SLMAP: variants seen among roughly 807,000 people sequenced by gnomAD.
The protein encoded by SLMAP is sarcolemmal membrane-associated protein.
Under a neutral mutation model 128.8 loss-of-function variants are expected in SLMAP, and 44 were observed. That is an observed-to-expected ratio of 0.34 (90% CI 0.27 to 0.44). SLMAP has a LOEUF of 0.44. Ranked by LOEUF, SLMAP falls within the 20% of genes least tolerant of loss-of-function variation. SLMAP has a pLI of 1.00. For missense variants in SLMAP, 787 were observed against 985.3 expected (o/e 0.80, Z 2.69); for synonymous variants, 327 against 348.8 (o/e 0.94, Z 0.70).
intron 2 of SLMAP, among the ~76,000 whole-genome samples, chr3:57,779,125 A>G (rs1426498810): frequency 6.6e-6 from 1 of 152,218 alleles, no homozygotes; most frequent in East Asian, 1.9e-4. Flanking sequence ...CAATAGCTGC[A>G]TATATCAATG....
At chr3:57,781,082 A>C (rs190271776) in intron 2 of SLMAP, among the ~76,000 whole-genome samples, 11 of 152,066 alleles carry the variant, frequency 7.2e-5, no homozygotes, top group Non-Finnish European at 1.5e-4. Flanking sequence ...ATAGAATAAA[A>C]AAATAAAAAT....
At chr3:57,878,139 G>A (rs1017578167) in intron 14 of SLMAP, among the ~76,000 whole-genome samples, 7 of 151,886 alleles carry the variant, frequency 4.6e-5, no homozygotes, top group Admixed American at 1.3e-4. Flanking sequence ...CACTGCACCC[G>A]GCCTCCTTCT....
chr3:57,770,104 A>G (rs2080529703), intron 2 of SLMAP, among the ~76,000 whole-genome samples: 1 of 152,244 alleles, frequency 6.6e-6, no homozygotes, highest in South Asian at 2.1e-4. Flanking sequence ...ATTGTAGCTG[A>G]ACCCAAACTG....
chr3:57,862,215 G>T, intron 10 of SLMAP, 129 bp downstream of exon 10: 1 of 680,936 alleles, frequency 1.5e-6, no homozygotes, highest in South Asian at 1.9e-5. Flanking sequence ...CTTCTCAGGA[G>T]GCTGAGGTAG....
In SLMAP at chr3:57,757,584, A is replaced by G; in HGVS notation, c.-68A>G. On this transcript the variant is annotated 5_prime_UTR_variant, in exon 2 of 25. Coordinates refer to ENST00000671191, the MANE Select transcript of SLMAP (RefSeq NM_001377540.1). ...GTGGGATAGGGGCATAGGCTTGTGA[A>G]GGGCAGTCCGGATCCGGAGGAACTC... 6.7e-7 allele frequency: 1 copy of G among 1,498,320 alleles called. No individual in the cohort carries two copies. The highest frequency in any genetic ancestry group is 9.2e-7 in the Non-Finnish European group (1 of 1,083,604). The allele number at this position is 1,498,320 out of a possible 1,614,324, so 92.8% of individuals were successfully genotyped here. A position where few individuals can be genotyped will look rare whatever the true frequency, so the allele number is the denominator to read the frequency against.
intron 15 of SLMAP, among the ~76,000 whole-genome samples, chr3:57,892,048 T>TA (rs1458520930): frequency 6.6e-6 from 1 of 152,174 alleles, no homozygotes; most frequent in Non-Finnish European, 1.5e-5. Flanking sequence ...TTAAGAATAA[T>TA]ACAAATATAA....
At chr3:57,772,743 C>T (rs555434574) in intron 2 of SLMAP, among the ~76,000 whole-genome samples, 13 of 152,014 alleles carry the variant, frequency 8.6e-5, no homozygotes, top group Admixed American at 2.0e-4. Context: ...CAGGTTTAAT[C>T]GATTCTCCTG....
At chr3:57,914,014 C>A (rs1390320003) in intron 21 of SLMAP, among the ~76,000 whole-genome samples, 2 of 151,956 alleles carry the variant, frequency 1.3e-5, no homozygotes, top group African/African-American at 4.8e-5. Flanking sequence ...AATTAATCTT[C>A]TGAATTTCAA....
At chr3:57,876,635 T>A (rs1375529731) in intron 14 of SLMAP, among the ~76,000 whole-genome samples, 1 of 152,258 alleles carries the variant, frequency 6.6e-6, no homozygotes, top group African/African-American at 2.4e-5. Flanking sequence ...ACTTAAAGTT[T>A]ACCGTATAAA....
intron 13 of SLMAP, among the ~76,000 whole-genome samples, chr3:57,865,721 T>G (rs530935838): frequency 6.6e-6 from 1 of 152,318 alleles, no homozygotes; most frequent in South Asian, 2.1e-4. Context: ...TCCATCTGTT[T>G]CATTGATCAG....
chr3:57,825,670 C>G (rs895567697), intron 2 of SLMAP, among the ~76,000 whole-genome samples: 3 of 151,960 alleles, frequency 2.0e-5, no homozygotes, highest in Admixed American at 6.6e-5. Context: ...AAGATGAAAG[C>G]CTTGCACCAG....
At chr3:57,772,769 T>A (rs1396739866) in intron 2 of SLMAP, among the ~76,000 whole-genome samples, 1 of 151,954 alleles carries the variant, frequency 6.6e-6, no homozygotes, top group East Asian at 1.9e-4. Context: ...GCCTCCCGAG[T>A]AGCTGGGATT....
intron 14 of SLMAP, among the ~76,000 whole-genome samples, chr3:57,874,847 G>A (rs535721431): frequency 2.0e-4 from 29 of 142,086 alleles, no homozygotes; most frequent in African/African-American, 5.3e-4. Flanking sequence ...CAACAAGAGC[G>A]AAACTCTGTC....
chr3:57,781,967 C>T (rs1342371656), intron 2 of SLMAP, among the ~76,000 whole-genome samples: 1 of 152,104 alleles, frequency 6.6e-6, no homozygotes, highest in Non-Finnish European at 1.5e-5. Flanking sequence ...TTCCTGACCT[C>T]AAGTGACTGC....
chr3:57,861,132 A>T (rs1239612768), intron 9 of SLMAP, among the ~76,000 whole-genome samples: 2 of 152,102 alleles, frequency 1.3e-5, no homozygotes, highest in Non-Finnish European at 2.9e-5. Context: ...TGTGCTGGGG[A>T]ATTGATTTCC....
intron 14 of SLMAP, among the ~76,000 whole-genome samples, chr3:57,887,186 A>T (rs1030668261): frequency 2.0e-5 from 3 of 152,106 alleles, no homozygotes; most frequent in African/African-American, 7.2e-5. Flanking sequence ...AGGATATCAT[A>T]TAGTCATAAT....
chr3:57,839,436 T>C (rs1294855922), intron 3 of SLMAP, among the ~76,000 whole-genome samples: 1 of 132,394 alleles, frequency 7.6e-6, no homozygotes, highest in East Asian at 2.1e-4. Flanking sequence ...TTAGCTCTAT[T>C]TTTTTTTTTT....
At chr3:57,769,765 G>A (rs1283645323) in intron 2 of SLMAP, among the ~76,000 whole-genome samples, 7 of 152,152 alleles carry the variant, frequency 4.6e-5, no homozygotes, top group Non-Finnish European at 1.0e-4. Flanking sequence ...TTTTCTCTCT[G>A]CTTCCTTATT....
chr3:57,917,202 T>A (rs1193857505), intron 22 of SLMAP, 125 bp downstream of exon 22: 2 of 1,541,262 alleles, frequency 1.3e-6, no homozygotes, highest in African/African-American at 2.8e-5. Context: ...AAATTGATAC[T>A]TGGAACATCT....
Sources: gnomAD v4.1 joint callset for allele counts (sites outside exome capture counted in the v4.1 genomes callset) on GRCh38, gnomAD v4.1.1 for gene constraint, MANE v1.5 for transcripts, NCBI Gene and HGNC (gene_info 2026-07-23, HGNC 2026-07-21) for gene names.